PEAK1: variants seen among roughly 807,000 people sequenced by gnomAD.
PEAK1 encodes the protein pseudopodium enriched atypical kinase 1.
PEAK1 carries 54 observed loss-of-function variants against 124.7 expected under a neutral mutation model. The ratio of observed to expected loss-of-function variants is 0.43; its 90% CI spans 0.35 to 0.54. The LOEUF (loss-of-function observed/expected upper bound fraction) is 0.54, where lower values mean the gene tolerates loss of function less well. PEAK1 is among the 20% of genes least tolerant of loss of function. PEAK1 has a pLI of 0.01. For missense variants in PEAK1, 2,046 were observed against 2,134.5 expected, an observed-to-expected ratio of 0.96 and a Z score of 0.82; for synonymous variants, 719 against 760.0, an observed-to-expected ratio of 0.95 and a Z score of 0.89.
chr15:77,327,749 ATATAAT>A (rs1183932064), intron 2 of PEAK1, among the ~76,000 whole-genome samples: 1 of 152,124 alleles, frequency 6.6e-6, no homozygotes, highest in African/African-American at 2.4e-5. Flanking sequence ...TTTCCTTTTG[ATATAAT>A]TAGAATCATT....
rs750270323 is a variant in PEAK1 at position 77,114,666 on chromosome 15, A to G, written c.4731T>C (p.Leu1577=). ...DPEILRDQSR[L]APEIITATQY... is the part of the protein sequence containing the mutation. ...GGGTAGCTGTTATGATCTCTGGGGC[A>G]AGGCGAGACTGGTCCCGGAGGATCT... Residue 1577 remains leucine, a synonymous_variant, in exon 10 of 10, where the codon CTT becomes CTC. Coordinates refer to ENST00000682557, the MANE Select transcript of PEAK1 (RefSeq NM_001385026.1). 24 of 1,613,498 alleles carry G rather than the reference A, an allele frequency of 1.5e-5. No individual in the cohort carries two copies. The highest frequency in any genetic ancestry group is 3.3e-4 in the Middle Eastern group (2 of 6,084).
At chr15:77,276,805 C>T (rs987021147) in intron 5 of PEAK1, among the ~76,000 whole-genome samples, 4 of 151,508 alleles carry the variant, frequency 2.6e-5, no homozygotes, top group Admixed American at 1.3e-4. Flanking sequence ...CATTAATACA[C>T]ATAAAAATAT....
chr15:77,165,888 G>T (rs779038764), intron 7 of PEAK1, among the ~76,000 whole-genome samples: 1 of 152,174 alleles, frequency 6.6e-6, no homozygotes, highest in Non-Finnish European at 1.5e-5. Flanking sequence ...TGGTGGTAGA[G>T]TTGGGATCTG....
At position 77,158,604 on chromosome 15, in the gene PEAK1, G is replaced by A. The variant is rs767505048; in HGVS notation, c.3230C>T (p.Thr1077Ile). The A allele has an allele frequency of 4.3e-6, 7 of 1,614,068 alleles. No individual in the cohort carries two copies. The South Asian group carries it at 4.4e-5, about 10-fold the overall frequency. Reference protein sequence around the residue: ...KQDGRGCTSVTTALSLPELER... With the variant: ...KQDGRGCTSVITALSLPELER... ...CAGTTCAGGTAGGGACAATGCTGTT[G>A]TGACTGAAGTGCAGCCCCTGCCATC... Residue 1077 changes from threonine (T) to isoleucine (I), a missense_variant, in exon 8 of 10, where the codon ACA (threonine) becomes ATA (isoleucine). Thr to Ile is a moderately conservative substitution (Grantham distance 89, BLOSUM62 -1). Coordinates refer to ENST00000682557, the MANE Select transcript of PEAK1 (RefSeq NM_001385026.1).
intron 8 of PEAK1, among the ~76,000 whole-genome samples, chr15:77,150,202 TA>T (rs1468606070): frequency 4.6e-5 from 7 of 152,088 alleles, no homozygotes; most frequent in African/African-American, 1.7e-4. Context: ...CTTCTTTTTT[TA>T]AAAAAAGGAA....
Position 77,228,924 on chromosome 15 carries a change from T to C in PEAK1, c.-115+23443A>G, listed in dbSNP as rs139695103. On this transcript the variant is annotated intron_variant, in intron 6 of 9. Coordinates refer to ENST00000682557, the MANE Select transcript of PEAK1 (RefSeq NM_001385026.1). Reference sequence around the variant, plus strand: ...GACAGTCTGAACAGCATTACTCTCCTCTAGAAGACTTAGTTCTGCCATAGG... The same window carrying C: ...GACAGTCTGAACAGCATTACTCTCCCCTAGAAGACTTAGTTCTGCCATAGG... 1.1e-3 allele frequency among the ~76,000 whole-genome samples: 174 copies of C among 152,314 alleles called. 1 individual carries two copies. In the Middle Eastern group the frequency reaches 0.024, roughly 21 times the overall value.
rs368510637 is a variant in PEAK1 at position 77,181,370 on chromosome 15, C to T, written c.557G>A (p.Arg186Gln). The T allele has an allele frequency of 4.1e-5, 66 of 1,613,940 alleles. No individual in the cohort carries two copies. Among genetic ancestry groups the T allele is most frequent in the Non-Finnish European group, 5.1e-5 (60 of 1,179,986 alleles). The change falls in exon 7 of 10, where the codon CGA (arginine) becomes CAA (glutamine). Residue 186 changes from arginine (R) to glutamine (Q), a missense_variant. Physicochemically the swap from Arg to Gln is conservative, Grantham distance 43 (BLOSUM62 1). Transcript: ENST00000682557. Reference sequence around the variant, plus strand: ...TGGTGGAAGCTTTCTTTCCAATGATCGTTTATAGCAATCATTTATTCTTCC... The same window carrying T: ...TGGTGGAAGCTTTCTTTCCAATGATTGTTTATAGCAATCATTTATTCTTCC... The part of the protein sequence containing the change: ...FLGRINDCYK[R>Q]SLERKLPPSC...
chr15:77,277,770 T>C (rs1407527337), intron 5 of PEAK1, among the ~76,000 whole-genome samples: 1 of 152,188 alleles, frequency 6.6e-6, no homozygotes, highest in Non-Finnish European at 1.5e-5. Context: ...CAGCATAGTG[T>C]ATGATTCCAA....
intron 8 of PEAK1, among the ~76,000 whole-genome samples, chr15:77,136,794 A>G (rs923216864): frequency 2.0e-5 from 3 of 152,268 alleles, no homozygotes; most frequent in Admixed American, 2.0e-4. Flanking sequence ...ATTTGCAGAA[A>G]CTTGCATAAG....
chr15:77,328,199 A>G (rs923969085), intron 2 of PEAK1, among the ~76,000 whole-genome samples: 5 of 152,166 alleles, frequency 3.3e-5, no homozygotes, highest in Admixed American at 2.0e-4. Flanking sequence ...CCCCTTCAAT[A>G]AAAAAGAAAG....
intron 2 of PEAK1, among the ~76,000 whole-genome samples, chr15:77,344,812 G>GA (rs1055011109): frequency 5.3e-5 from 8 of 152,106 alleles, no homozygotes; most frequent in African/African-American, 1.7e-4. Flanking sequence ...CTTTTTGATA[G>GA]AATTGTTTTC....
At chr15:77,352,935 T>C (rs2067294855) in intron 2 of PEAK1, 4 of 985,252 alleles carry the variant, frequency 4.1e-6, no homozygotes, top group Non-Finnish European at 4.8e-6. Flanking sequence ...GCTAATGTAT[T>C]GTACTGCTCT....
In PEAK1 at chr15:77,299,836, T is replaced by C. The variant is rs981192342; in HGVS notation, c.-602-13332A>G. On this transcript the variant is annotated intron_variant, in intron 2 of 9. Transcript: ENST00000682557. ...TTGGCAAATGGTGATCTTTCCATTA[T>C]TCCTTTTCTTCTCCCCACTAATTTA... is the stretch of plus-strand genomic sequence containing the variant. 2.0e-5 allele frequency among the ~76,000 whole-genome samples: 3 copies of C among 152,218 alleles called. No homozygotes were observed. The East Asian group carries it at 5.8e-4, about 29-fold the overall frequency.
chr15:77,244,733 C>T (rs539149862), intron 6 of PEAK1, among the ~76,000 whole-genome samples: 1 of 152,152 alleles, frequency 6.6e-6, no homozygotes, highest in East Asian at 1.9e-4. Context: ...GAACTAAAGG[C>T]ATGCACCACC....
At chr15:77,269,233 A>T (rs929031113) in intron 5 of PEAK1, among the ~76,000 whole-genome samples, 1 of 152,182 alleles carries the variant, frequency 6.6e-6, no homozygotes, top group Non-Finnish European at 1.5e-5. Context: ...GGCAGAATGG[A>T]TAAGAATTCA....
chr15:77,281,246 C>T (rs2062657626), intron 5 of PEAK1, among the ~76,000 whole-genome samples: 1 of 152,168 alleles, frequency 6.6e-6, no homozygotes, highest in African/African-American at 2.4e-5. Context: ...GCCATTTCTG[C>T]CAGCCAAATG....
intron 6 of PEAK1, among the ~76,000 whole-genome samples, chr15:77,217,822 T>C (rs1172892813): frequency 6.6e-6 from 1 of 152,182 alleles, no homozygotes; most frequent in Non-Finnish European, 1.5e-5. Context: ...TTCCACAAAC[T>C]TTTGGAAGTC....
chr15:77,313,682 G>GTATATATATATATATA (rs1567244747), intron 2 of PEAK1, among the ~76,000 whole-genome samples: 9 of 118,654 alleles, frequency 7.6e-5, no homozygotes, highest in African/African-American at 3.6e-4. Context: ...GTGTGTGTGT[G>GTATATATATATATATA]TGTGTGTGTG....
chr15:77,257,932 A>G (rs1378954036), intron 5 of PEAK1, among the ~76,000 whole-genome samples: 1 of 152,200 alleles, frequency 6.6e-6, no homozygotes, highest in Middle Eastern at 3.2e-3. Flanking sequence ...ATCCAGTTTC[A>G]GCTTTCTACA....
Sources: allele counts gnomAD v4.1 joint callset (sites outside exome capture counted in the v4.1 genomes callset), GRCh38; gene constraint gnomAD v4.1.1; transcripts MANE v1.5; gene names NCBI Gene and HGNC (gene_info 2026-07-23, HGNC 2026-07-21).